The following SHC4 variants were observed in gnomAD, a reference collection of about 807,000 sequenced individuals.
SHC4 encodes SHC-transforming protein 4.
SHC4 carries 41 observed loss-of-function variants against 69.4 expected under a neutral mutation model. That is an observed-to-expected ratio of 0.59 (90% confidence interval 0.46 to 0.77). The LOEUF (loss-of-function observed/expected upper bound fraction) is 0.77, where lower values mean the gene tolerates loss of function less well. SHC4 is among the 30% of genes least tolerant of loss of function. SHC4 has a pLI of 0.00. For missense variants in SHC4, 777 were observed against 783.8 expected (o/e 0.99, Z 0.10); for synonymous variants, 318 against 299.3 (o/e 1.06, Z -0.64).
Position 48,848,645 on chromosome 15 carries a change from T to C in SHC4, c.1303+2543A>G, listed in dbSNP as rs77095770. Among the ~76,000 whole-genome samples, 1,243 of 152,266 alleles carry C rather than the reference T, an allele frequency of 8.2e-3. 67 individuals carry two copies. In the East Asian group the frequency reaches 0.14, roughly 17 times the overall value. Reference sequence around the variant, plus strand: ...GTATTTGAATCTTCTTATAGTGGCTTAGGGAAATATATATGTAAATAAGAA... The same window carrying C: ...GTATTTGAATCTTCTTATAGTGGCTCAGGGAAATATATATGTAAATAAGAA... On this transcript the variant is annotated intron_variant, in intron 9 of 11. Coordinates refer to ENST00000332408, the MANE Select transcript of SHC4 (RefSeq NM_203349.4).
In SHC4 at chr15:48,961,878, C is replaced by T. The variant is rs552661705; in HGVS notation, c.585+553G>A. On this transcript the variant is annotated intron_variant, in intron 1 of 11. Coordinates refer to ENST00000332408, the MANE Select transcript of SHC4 (RefSeq NM_203349.4). The stretch of plus-strand genomic sequence containing the variant: ...GGCAGTAAAGGCAATAAATGTGCAC[C>T]GGAGAGCTAAGACTAGCTCCTGGCA... Among the ~76,000 whole-genome samples, 5 of 152,252 alleles carry T rather than the reference C, an allele frequency of 3.3e-5. No homozygotes were observed. The South Asian group carries it at 6.2e-4, about 19-fold the overall frequency.
chr15:48,856,175 G>A, intron 7 of SHC4, 51 bp from the exon 8 acceptor site: 3 of 1,548,004 alleles, frequency 1.9e-6, no homozygotes, highest in Non-Finnish European at 2.6e-6. Flanking sequence ...TTCAAATACT[G>A]TAAGGGATGC....
Position 48,959,888 on chromosome 15 carries a change from A to C in SHC4, c.585+2543T>G, listed in dbSNP as rs187479097. Among the ~76,000 whole-genome samples, 355 of 152,308 alleles carry C rather than the reference A, an allele frequency of 2.3e-3. 3 individuals carry two copies. Among genetic ancestry groups the C allele is most frequent in the African/African-American group, 8.2e-3 (342 of 41,566 alleles). ...GGCACACAGGAGATTTGGGCTCTAG[A>C]TCTCACTCTGCTTTAACTCATCTGT... is the stretch of plus-strand genomic sequence containing the variant. On this transcript the variant is annotated intron_variant, in intron 1 of 11. Coordinates refer to ENST00000332408, the MANE Select transcript of SHC4 (RefSeq NM_203349.4).
intron 4 of SHC4, chr15:48,877,981 G>C (rs933698207): frequency 1.7e-6 from 1 of 572,292 alleles, no homozygotes; most frequent in Admixed American, 3.6e-5. Context: ...TAGCTCAAAA[G>C]GCGACGCCAA....
At chr15:48,832,264 C>T (rs1443047347) in intron 11 of SHC4, among the ~76,000 whole-genome samples, 3 of 152,024 alleles carry the variant, frequency 2.0e-5, no homozygotes, top group South Asian at 2.1e-4. Context: ...AAGAGTGAAA[C>T]GTGGTCTCAA....
At chr15:48,836,558 G>GT (rs556026477) in intron 10 of SHC4, among the ~76,000 whole-genome samples, 1,866 of 149,380 alleles carry the variant, frequency 0.012, 12 homozygotes, top group Middle Eastern at 0.031. Context: ...CTTTTTTTTT[G>GT]TTTTTTTTTA....
intron 9 of SHC4, among the ~76,000 whole-genome samples, chr15:48,844,463 C>A (rs745564404): frequency 6.6e-6 from 1 of 152,094 alleles, no homozygotes; most frequent in Admixed American, 6.5e-5. Context: ...GATCTCACAT[C>A]GAAAGGCTGT....
At chr15:48,937,821 T>C (rs888178799) in intron 1 of SHC4, among the ~76,000 whole-genome samples, 8 of 152,232 alleles carry the variant, frequency 5.3e-5, no homozygotes, top group East Asian at 1.9e-4. Flanking sequence ...TGTCAGCCAT[T>C]CTGTGTTCTC....
chr15:48,851,635 T>C (rs560465401), intron 8 of SHC4, among the ~76,000 whole-genome samples: 51 of 152,306 alleles, frequency 3.3e-4, no homozygotes, highest in Middle Eastern at 6.8e-3. Context: ...AATTGGTAGA[T>C]TGGATTTCTA....
chr15:48,963,085 G>C lies in SHC4; in HGVS notation c.-70C>G. ...CGTCGTCTGGTAGATAAACGGTGCA[G>C]ACATCAGATACCTCAACGCCCGATG... On this transcript the variant is annotated 5_prime_UTR_variant, in exon 1 of 12. Coordinates refer to ENST00000332408, the MANE Select transcript of SHC4 (RefSeq NM_203349.4). 1.4e-6 allele frequency: 2 copies of C among 1,474,708 alleles called. No individual in the cohort carries two copies. The highest frequency in any genetic ancestry group is 1.8e-6 in the Non-Finnish European group (2 of 1,091,714). The allele number at this position is 1,474,708 out of a possible 1,614,324, so 91.4% of individuals were successfully genotyped here. A position where few individuals can be genotyped will look rare whatever the true frequency, so the allele number is the denominator to read the frequency against.
intron 2 of SHC4, among the ~76,000 whole-genome samples, chr15:48,910,991 G>T (rs995903253): frequency 4.6e-5 from 7 of 152,078 alleles, no homozygotes; most frequent in Non-Finnish European, 1.0e-4. Flanking sequence ...CTATCTCATG[G>T]TCTATCTTGG....
chr15:48,950,775 G>A (rs1269465822), intron 1 of SHC4, among the ~76,000 whole-genome samples: 21 of 152,168 alleles, frequency 1.4e-4, no homozygotes, highest in Admixed American at 1.4e-3. Context: ...AGTGGGCGGA[G>A]GTGACAGTGG....
chr15:48,927,376 G>A (rs1900873018), intron 1 of SHC4, among the ~76,000 whole-genome samples: 1 of 152,192 alleles, frequency 6.6e-6, no homozygotes, highest in Admixed American at 6.5e-5. Flanking sequence ...TTGTTGGTGA[G>A]GAGGTGGGTA....
At chr15:48,875,454 A>G (rs1250519051) in intron 4 of SHC4, among the ~76,000 whole-genome samples, 2 of 152,254 alleles carry the variant, frequency 1.3e-5, no homozygotes, top group African/African-American at 4.8e-5. Context: ...GACATTTGTC[A>G]TGAACTTTCA....
intron 5 of SHC4, among the ~76,000 whole-genome samples, chr15:48,870,546 G>T (rs933352509): frequency 6.6e-6 from 1 of 152,146 alleles, no homozygotes; most frequent in Admixed American, 6.6e-5. Context: ...GCTTAAAGGG[G>T]AAACTGGATA....
chr15:48,952,772 T>C (rs1299038746), intron 1 of SHC4, among the ~76,000 whole-genome samples: 1 of 152,142 alleles, frequency 6.6e-6, no homozygotes, highest in Non-Finnish European at 1.5e-5. Context: ...AAATAACAGA[T>C]GCTGGTGAGA....
At chr15:48,873,874 A>G (rs1899744016) in intron 4 of SHC4, among the ~76,000 whole-genome samples, 1 of 152,222 alleles carries the variant, frequency 6.6e-6, no homozygotes, top group Non-Finnish European at 1.5e-5. Context: ...AAGAGTATAA[A>G]TAAGATCTGA....
At chr15:48,934,622 A>G (rs1901034128) in intron 1 of SHC4, among the ~76,000 whole-genome samples, 1 of 152,304 alleles carries the variant, frequency 6.6e-6, no homozygotes, top group African/African-American at 2.4e-5. Context: ...TTGAAAGCAT[A>G]TGTCCACACA....
intron 3 of SHC4, among the ~76,000 whole-genome samples, chr15:48,885,375 A>T (rs1290000269): frequency 6.6e-6 from 1 of 152,180 alleles, no homozygotes; most frequent in Admixed American, 6.5e-5. Flanking sequence ...TGTGAAGATT[A>T]AATAATAACT....
Sources: gnomAD v4.1 joint callset for allele counts (sites outside exome capture counted in the v4.1 genomes callset) on GRCh38, gnomAD v4.1.1 for gene constraint, MANE v1.5 for transcripts, NCBI Gene and HGNC (gene_info 2026-07-23, HGNC 2026-07-21) for gene names.